CNTN5: variants seen among roughly 807,000 people sequenced by gnomAD.
CNTN5 encodes contactin 5.
A neutral mutation model predicts 129.1 loss-of-function variants in CNTN5; 77 were observed. The observed-to-expected ratio is 0.60, with a 90% confidence interval of 0.50 to 0.72. The LOEUF (loss-of-function observed/expected upper bound fraction) is 0.72, where lower values mean the gene tolerates loss of function less well. Ranked by LOEUF, CNTN5 falls within the 30% of genes least tolerant of loss-of-function variation. The pLI is 0.00. For synonymous variants in CNTN5, 509 were observed against 465.6 expected, an observed-to-expected ratio of 1.09 and a Z score of -1.20; for missense variants, 1,478 against 1,328.8, an observed-to-expected ratio of 1.11 and a Z score of -1.75.
intron 21 of CNTN5, among the ~76,000 whole-genome samples, chr11:100,312,097 G>A (rs1172198474): frequency 6.6e-6 from 1 of 151,990 alleles, no homozygotes; most frequent in East Asian, 1.9e-4. Context: ...CTATTTCATA[G>A]CGCATTATAA....
intron 13 of CNTN5, among the ~76,000 whole-genome samples, chr11:100,146,492 C>A (rs548624192): frequency 1.3e-5 from 2 of 151,994 alleles, no homozygotes; most frequent in Non-Finnish European, 2.9e-5. Context: ...ACAGAAACAG[C>A]CTGTTAGCTT....
At chr11:99,157,024 AAAT>A (rs1860369495) in intron 1 of CNTN5, among the ~76,000 whole-genome samples, 1 of 152,052 alleles carries the variant, frequency 6.6e-6, no homozygotes, top group African/African-American at 2.4e-5. Context: ...TCTAAAACAA[AAAT>A]AATAAAACCT....
At chr11:99,299,630 A>G (rs900164600) in intron 1 of CNTN5, among the ~76,000 whole-genome samples, 2 of 152,168 alleles carry the variant, frequency 1.3e-5, no homozygotes, top group African/African-American at 4.8e-5. Context: ...TTCCACATAT[A>G]AGTGAGAAAA....
intron 3 of CNTN5, among the ~76,000 whole-genome samples, chr11:99,622,041 A>G (rs1178406311): frequency 2.6e-5 from 4 of 152,202 alleles, no homozygotes; most frequent in Non-Finnish European, 5.9e-5. Context: ...TGGGTGGTTA[A>G]TATCTAATTG....
intron 1 of CNTN5, among the ~76,000 whole-genome samples, chr11:99,109,761 A>G (rs139221913): frequency 6.6e-6 from 1 of 152,244 alleles, no homozygotes; most frequent in African/African-American, 2.4e-5. Context: ...CTTATATGTA[A>G]AAGATATAAA....
At chr11:100,221,104 G>T (rs1949255582) in intron 15 of CNTN5, among the ~76,000 whole-genome samples, 1 of 152,188 alleles carries the variant, frequency 6.6e-6, no homozygotes, top group African/African-American at 2.4e-5. Context: ...CAGAGGGAAA[G>T]CTAAGGAAGC....
At chr11:99,426,937 T>C (rs1257237972) in intron 2 of CNTN5, among the ~76,000 whole-genome samples, 4 of 152,188 alleles carry the variant, frequency 2.6e-5, no homozygotes, top group Non-Finnish European at 5.9e-5. Flanking sequence ...TACATGGATA[T>C]AATAATCTTG....
At chr11:100,147,050 A>AGTCT (rs1203660798) in intron 13 of CNTN5, among the ~76,000 whole-genome samples, 1 of 152,072 alleles carries the variant, frequency 6.6e-6, no homozygotes, top group Non-Finnish European at 1.5e-5. Flanking sequence ...TGTCTTTTAT[A>AGTCT]GTCTCCTCAT....
chr11:100,082,159 C>T (rs960120447), intron 13 of CNTN5, among the ~76,000 whole-genome samples: 1 of 152,098 alleles, frequency 6.6e-6, no homozygotes, highest in African/African-American at 2.4e-5. Flanking sequence ...TAATAAATAT[C>T]AGGAGTTGCA....
chr11:100,285,445 T>C (rs769078545), intron 18 of CNTN5, among the ~76,000 whole-genome samples: 4 of 152,202 alleles, frequency 2.6e-5, no homozygotes, highest in African/African-American at 9.6e-5. Flanking sequence ...AGAGCATGCA[T>C]GCCTTCTAAA....
chr11:99,228,135 T>C (rs1296562848), intron 1 of CNTN5, among the ~76,000 whole-genome samples: 1 of 152,132 alleles, frequency 6.6e-6, no homozygotes. Flanking sequence ...ACATTTCTGA[T>C]TGTTTTACTG....
chr11:99,226,502 A>C (rs535312261), intron 1 of CNTN5, among the ~76,000 whole-genome samples: 69 of 152,236 alleles, frequency 4.5e-4, no homozygotes, highest in Non-Finnish European at 8.2e-4. Context: ...CCTCATTTGT[A>C]CTGTCTTTCC....
At chr11:99,051,785 CT>C (rs960196412) in intron 1 of CNTN5, among the ~76,000 whole-genome samples, 1 of 151,792 alleles carries the variant, frequency 6.6e-6, no homozygotes, top group African/African-American at 2.4e-5. Flanking sequence ...GAAGTAGTCT[CT>C]TTTTTCAGGG....
rs147145983 is a variant in CNTN5 at position 99,608,165 on chromosome 11, C to T, written c.55+51896C>T. ...TTCTATACTGCCAATCTCTTTTAAA[C>T]TACTATATTATCTGCTGAAAAGTCA... On this transcript the variant is annotated intron_variant, in intron 3 of 24. Coordinates refer to ENST00000524871, the MANE Select transcript of CNTN5 (RefSeq NM_014361.4). 1.2e-3 allele frequency among the ~76,000 whole-genome samples: 182 copies of T among 149,770 alleles called. 1 individual carries two copies. Among genetic ancestry groups the T allele is most frequent in the Non-Finnish European group, 2.4e-4 (16 of 67,866 alleles).
intron 13 of CNTN5, among the ~76,000 whole-genome samples, chr11:100,148,853 G>A (rs367902088): frequency 4.8e-4 from 73 of 151,858 alleles, no homozygotes; most frequent in African/African-American, 1.7e-3. Flanking sequence ...TTGGTAGTGC[G>A]GTTCTTATTT....
rs1296513983 is a variant in CNTN5 at position 99,969,397 on chromosome 11, TTTGAG to T, written c.877+12393_877+12397del. Reference sequence around the variant, plus strand: ...CTTCATGAAAGAAAGGAATGTGAACTTTGAGTTGACTTTTGCAGTGGTGGCAAAGA... The same window carrying T: ...CTTCATGAAAGAAAGGAATGTGAACTTTGACTTTTGCAGTGGTGGCAAAGA... On this transcript the variant is annotated intron_variant, in intron 8 of 24. Transcript: ENST00000524871. 2.6e-5 allele frequency among the ~76,000 whole-genome samples: 4 copies of T among 152,298 alleles called. No individual in the cohort carries two copies. The East Asian group carries it at 7.7e-4, about 29-fold the overall frequency.
intron 8 of CNTN5, among the ~76,000 whole-genome samples, chr11:99,986,700 C>T (rs915696100): frequency 6.6e-6 from 1 of 152,152 alleles, no homozygotes; most frequent in Non-Finnish European, 1.5e-5. Flanking sequence ...AGCAAGACTT[C>T]GTCCAAGAGT....
At chr11:99,987,278 C>G (rs1388302041) in intron 8 of CNTN5, among the ~76,000 whole-genome samples, 2 of 151,788 alleles carry the variant, frequency 1.3e-5, no homozygotes, top group Admixed American at 6.6e-5. Flanking sequence ...GTTTAGTTTA[C>G]AGCTAAAAGT....
At chr11:100,202,777 G>A (rs897290348) in intron 15 of CNTN5, among the ~76,000 whole-genome samples, 4 of 151,766 alleles carry the variant, frequency 2.6e-5, no homozygotes, top group Non-Finnish European at 4.4e-5. Flanking sequence ...ATATAAATGA[G>A]AACACTGAGC....
Sources: gnomAD v4.1 joint callset for allele counts (sites outside exome capture counted in the v4.1 genomes callset) on GRCh38, gnomAD v4.1.1 for gene constraint, MANE v1.5 for transcripts, NCBI Gene and HGNC (gene_info 2026-07-23, HGNC 2026-07-21) for gene names.